The following LUC7L variants were observed in gnomAD, a reference collection of about 807,000 sequenced individuals.
LUC7L encodes the protein putative RNA-binding protein Luc7-like 1.
A neutral mutation model predicts 51.1 loss-of-function variants in LUC7L; 29 were observed. The ratio of observed to expected loss-of-function variants is 0.57; its 90% CI spans 0.42 to 0.77. The LOEUF is 0.77. Among genes scored for constraint, LUC7L ranks in the 30% least tolerant of loss-of-function variants. LUC7L has a pLI of 0.00. For missense variants in LUC7L, 403 were observed against 511.9 expected, an observed-to-expected ratio of 0.79 and a Z score of 2.05; for synonymous variants, 181 against 180.7, an observed-to-expected ratio of 1.00 and a Z score of -0.01.
chr16:209,870 G>A (rs2049591246), intron 3 of LUC7L: 1 of 152,116 alleles, frequency 6.6e-6, no homozygotes, highest in Admixed American at 6.6e-5. Flanking sequence ...CTTGGGAGTA[G>A]GTAAGATAGG....
intron 2 of LUC7L, among the ~76,000 whole-genome samples, chr16:223,458 A>G (rs186878203): frequency 5.3e-5 from 8 of 152,336 alleles, no homozygotes; most frequent in Admixed American, 2.0e-4. Context: ...TGGAGGCGGC[A>G]GACAACGGGT....
chr16:207,556 T>G (rs1167314351), intron 4 of LUC7L, among the ~76,000 whole-genome samples: 1 of 152,026 alleles, frequency 6.6e-6, no homozygotes, highest in Non-Finnish European at 1.5e-5. Flanking sequence ...TGATAAACCA[T>G]GTACAGAGGA....
Position 192,908 on chromosome 16 carries a change from T to G in LUC7L, c.776+19A>C, listed in dbSNP as rs776966705. The G allele has an allele frequency of 1.9e-6, 3 of 1,604,816 alleles. No homozygotes were observed. Among genetic ancestry groups the G allele is most frequent in the Non-Finnish European group, 2.6e-6 (3 of 1,174,130 alleles). ...CCCGAGGCCAATGCAGGCCATCCAG[T>G]GCCAGCCCTCAGGCTCACCTCCTGC... On this transcript the variant is annotated intron_variant, in intron 7 of 9. Coordinates refer to ENST00000293872, the MANE Select transcript of LUC7L (RefSeq NM_201412.3).
At chr16:229,111 G>C (rs1342712698) in intron 1 of LUC7L, 168 bp downstream of exon 1, 13 of 1,412,910 alleles carry the variant, frequency 9.2e-6, no homozygotes, top group Non-Finnish European at 1.2e-5. Flanking sequence ...CCTCAGAGAC[G>C]CACCGGCTTA....
In LUC7L at chr16:189,112, A is replaced by C. The variant is rs950548727; in HGVS notation, c.*86T>G. 1.4e-6 allele frequency: 2 copies of C among 1,386,174 alleles called. No individual in the cohort carries two copies. The highest frequency in any genetic ancestry group is 2.7e-5 in the South Asian group (2 of 73,802). 85.9% of individuals were successfully genotyped at this position (1,386,174 alleles called of 1,614,324 possible). On this transcript the variant is annotated 3_prime_UTR_variant, in exon 10 of 10. Transcript: ENST00000293872. The stretch of plus-strand genomic sequence containing the variant: ...AACAATAGAAATTTTAAACTACAAA[A>C]GATGAGTTGTATTCAGCAAATATAA...
At chr16:193,374 T>C (rs2049062243) in intron 6 of LUC7L, among the ~76,000 whole-genome samples, 1 of 152,014 alleles carries the variant, frequency 6.6e-6, no homozygotes, top group South Asian at 2.1e-4. Flanking sequence ...CTTGATCTCT[T>C]GACCTTGTGA....
At chr16:205,016 C>T (rs920034825) in intron 5 of LUC7L, among the ~76,000 whole-genome samples, 15 of 147,664 alleles carry the variant, frequency 1.0e-4, no homozygotes, top group African/African-American at 3.2e-4. Context: ...GACCCTTGAG[C>T]TCCACACAAT....
In LUC7L at chr16:189,034, C is replaced by T. The variant is rs188055343; in HGVS notation, c.*164G>A. The stretch of plus-strand genomic sequence containing the variant: ...TTATTTATTCCTACTCAACATGACC[C>T]GGGAACACAGGAGCAACTCTGTACA... On this transcript the variant is annotated 3_prime_UTR_variant, in exon 10 of 10. Transcript: ENST00000293872. The T allele has an allele frequency of 1.1e-4, 80 of 755,766 alleles. No individual in the cohort carries two copies. In the African/African-American group the frequency reaches 1.2e-3, roughly 11 times the overall value. The allele number at this position is 755,766 out of a possible 1,614,324, so 46.8% of individuals were successfully genotyped here.
chr16:229,230 C>A lies in LUC7L; in HGVS notation c.61+49G>T, dbSNP rs770511203. The stretch of plus-strand genomic sequence containing the variant: ...CCCGCCTCAGGCCGCCCGGCGGCCT[C>A]GCCTCACTCCCACCCCAGACCCTCG... On this transcript the variant is annotated intron_variant, in intron 1 of 9. Coordinates refer to ENST00000293872, the MANE Select transcript of LUC7L (RefSeq NM_201412.3). 2.1e-5 allele frequency: 32 copies of A among 1,513,246 alleles called. No homozygotes were observed. The South Asian group carries it at 3.4e-4, about 16-fold the overall frequency. 93.7% of individuals were successfully genotyped at this position (1,513,246 alleles called of 1,614,324 possible).
intron 4 of LUC7L, among the ~76,000 whole-genome samples, chr16:207,079 G>C (rs964720621): frequency 9.2e-5 from 14 of 151,568 alleles, no homozygotes; most frequent in Admixed American, 2.0e-4. Context: ...GGCACCTGTA[G>C]TCCCAGCTAC....
At chr16:189,631 T>C in intron 9 of LUC7L, 1 of 1,318,028 alleles carries the variant, frequency 7.6e-7, no homozygotes, top group Non-Finnish European at 9.7e-7. Context: ...AAAAACACAA[T>C]GGAAAAAAAA....
chr16:199,001 T>A (rs955024776), intron 6 of LUC7L, 61 bp downstream of exon 6: 1 of 1,477,338 alleles, frequency 6.8e-7, no homozygotes, highest in Non-Finnish European at 9.1e-7. Flanking sequence ...TTTTTAAAAA[T>A]TAAAGAAATG....
chr16:189,589 C>T (rs1291247543), intron 9 of LUC7L: 5 of 1,362,302 alleles, frequency 3.7e-6, no homozygotes, highest in Non-Finnish European at 3.8e-6. Flanking sequence ...AAGGAGAATA[C>T]AACACTATAT....
At chr16:217,395 A>G (rs2049833734) in intron 3 of LUC7L, among the ~76,000 whole-genome samples, 1 of 152,104 alleles carries the variant, frequency 6.6e-6, no homozygotes, top group Non-Finnish European at 1.5e-5. Context: ...ATATACACCT[A>G]TTATGTAGCC....
intron 6 of LUC7L, among the ~76,000 whole-genome samples, 172 bp downstream of exon 6, chr16:198,890 G>T (rs1176129895): frequency 6.6e-6 from 1 of 152,030 alleles, no homozygotes; most frequent in Non-Finnish European, 1.5e-5. Flanking sequence ...ATGTTGGTCA[G>T]GCTGGTCTCG....
In LUC7L at chr16:203,224, C is replaced by G. The variant is rs2049383505; in HGVS notation, c.510+2780G>C. Among the ~76,000 whole-genome samples, 3 of 152,168 alleles carry G rather than the reference C, an allele frequency of 2.0e-5. No individual in the cohort carries two copies. In the South Asian group the frequency reaches 6.2e-4, roughly 32 times the overall value. On this transcript the variant is annotated intron_variant, in intron 5 of 9. Coordinates refer to ENST00000293872, the MANE Select transcript of LUC7L (RefSeq NM_201412.3). ...GAAGAAACAGATGATCTGAATGAAT[C>G]TGTATATTAATAACCTTCCAAAACA...
chr16:228,759 G>A (rs1039998343), intron 1 of LUC7L: 4 of 1,272,470 alleles, frequency 3.1e-6, no homozygotes, highest in Non-Finnish European at 4.1e-6. Context: ...GGGGAAGGGG[G>A]CAGCTGGAAA....
intron 2 of LUC7L, among the ~76,000 whole-genome samples, chr16:223,348 C>CA (rs2050029954): frequency 6.6e-6 from 1 of 151,504 alleles, no homozygotes; most frequent in African/African-American, 2.4e-5. Flanking sequence ...GACTCCGTCT[C>CA]AAAAAAATAA....
intron 9 of LUC7L, 108 bp downstream of exon 9, chr16:189,860 A>C (rs2048963098): frequency 1.3e-6 from 2 of 1,500,546 alleles, no homozygotes; most frequent in Non-Finnish European, 1.8e-6. Flanking sequence ...CCTACTCCTG[A>C]GGGTGAGCCC....
Sources: allele counts gnomAD v4.1 joint callset (sites outside exome capture counted in the v4.1 genomes callset), GRCh38; gene constraint gnomAD v4.1.1; transcripts MANE v1.5; gene names NCBI Gene and HGNC (gene_info 2026-07-23, HGNC 2026-07-21).